Variants in SNX13 observed in about 807,000 individuals in gnomAD.
SNX13 encodes the protein sorting nexin 13, also known as sorting nexin-13.
Under a neutral mutation model 133.6 loss-of-function variants are expected in SNX13, and 45 were observed. The ratio of observed to expected loss-of-function variants is 0.34; its 90% CI spans 0.27 to 0.43. The LOEUF (loss-of-function observed/expected upper bound fraction) is 0.43, where lower values mean the gene tolerates loss of function less well. Ranked by LOEUF, SNX13 falls within the 20% of genes least tolerant of loss-of-function variation. The pLI is 1.00. For synonymous variants in SNX13, 414 were observed against 373.9 expected, an observed-to-expected ratio of 1.11 and a Z score of -1.24; for missense variants, 1,032 against 1,145.1, an observed-to-expected ratio of 0.90 and a Z score of 1.43.
chr7:17,921,393 T>C (rs1159518689), intron 1 of SNX13, among the ~76,000 whole-genome samples: 1 of 152,170 alleles, frequency 6.6e-6, no homozygotes, highest in Non-Finnish European at 1.5e-5. Context: ...TTCCCAGTGA[T>C]TCCATCCCTC....
chr7:17,807,280 G>A (rs570776534), intron 20 of SNX13, among the ~76,000 whole-genome samples: 267 of 152,012 alleles, frequency 1.8e-3, no homozygotes, highest in African/African-American at 6.0e-3. Context: ...GGGGAGGGGC[G>A]CCCAGCTAGG....
At chr7:17,913,578 C>T (rs1799225599) in intron 1 of SNX13, among the ~76,000 whole-genome samples, 1 of 152,054 alleles carries the variant, frequency 6.6e-6, no homozygotes, top group African/African-American at 2.4e-5. Flanking sequence ...TAAACAATAT[C>T]TGACAAAACC....
At position 17,935,491 on chromosome 7, in the gene SNX13, A is replaced by G. The variant is rs536738242; in HGVS notation, c.12+4793T>C. ...TTATTTTTTAAATAACTAAATTTCA[A>G]TTGTCTCACCATAGAAAATAATCAA... On this transcript the variant is annotated intron_variant, in intron 1 of 25. Transcript: ENST00000428135. Among the ~76,000 whole-genome samples, 10 of 152,334 alleles carry G rather than the reference A, an allele frequency of 6.6e-5. No homozygotes were observed. In the East Asian group the frequency reaches 1.9e-3, roughly 29 times the overall value.
intron 1 of SNX13, among the ~76,000 whole-genome samples, chr7:17,926,915 C>CA (rs1420890934): frequency 6.6e-6 from 1 of 151,744 alleles, no homozygotes; most frequent in African/African-American, 2.4e-5. Context: ...ACTACTACTC[C>CA]AAAGAAAAAC....
chr7:17,865,604 C>A (rs1473825814), intron 9 of SNX13, among the ~76,000 whole-genome samples: 2 of 152,100 alleles, frequency 1.3e-5, no homozygotes, highest in African/African-American at 4.8e-5. Context: ...ATACCAATAA[C>A]CTTTTTCACA....
rs897953547 is a variant in SNX13, at chr7:17,853,687, T to A, written c.838-2723A>T. Among the ~76,000 whole-genome samples, 9 of 152,200 alleles carry A rather than the reference T, an allele frequency of 5.9e-5. 1 individual carries two copies. The highest frequency in any genetic ancestry group is 1.3e-4 in the Non-Finnish European group (9 of 68,028). On this transcript the variant is annotated intron_variant, in intron 9 of 25. Coordinates refer to ENST00000428135, the MANE Select transcript of SNX13 (RefSeq NM_015132.5). The stretch of plus-strand genomic sequence containing the variant: ...GGCCAGGCACAGTGGCTCACGCCTG[T>A]AATCCCAACACTTTGGGAGGCTGAG...
chr7:17,872,992 A>C (rs1354131026), intron 8 of SNX13, among the ~76,000 whole-genome samples: 2 of 152,234 alleles, frequency 1.3e-5, no homozygotes, highest in Non-Finnish European at 1.5e-5. Context: ...ACATAATCTT[A>C]ACTGTACAGT....
chr7:17,857,335 T>C (rs1473047932), intron 9 of SNX13, among the ~76,000 whole-genome samples: 1 of 152,168 alleles, frequency 6.6e-6, no homozygotes, highest in African/African-American at 2.4e-5. Context: ...ATTGATTCTA[T>C]TCAATGTTTC....
intron 1 of SNX13, among the ~76,000 whole-genome samples, chr7:17,906,061 G>T (rs1779632544): frequency 6.6e-6 from 1 of 151,890 alleles, no homozygotes; most frequent in Non-Finnish European, 1.5e-5. Flanking sequence ...AGTTTGTGTG[G>T]GATAAATGCA....
At chr7:17,885,860 C>T (rs555708795) in intron 5 of SNX13, among the ~76,000 whole-genome samples, 1 of 152,228 alleles carries the variant, frequency 6.6e-6, no homozygotes, top group East Asian at 1.9e-4. Flanking sequence ...ACTATTTCCC[C>T]TTCTTTTAAA....
intron 19 of SNX13, among the ~76,000 whole-genome samples, chr7:17,815,646 A>G (rs1484389538): frequency 6.6e-6 from 1 of 152,148 alleles, no homozygotes; most frequent in East Asian, 1.9e-4. Context: ...AATCCAAACA[A>G]AAACATTCAA....
At chr7:17,935,490 A>C (rs1801912362) in intron 1 of SNX13, among the ~76,000 whole-genome samples, 1 of 152,194 alleles carries the variant, frequency 6.6e-6, no homozygotes, top group Non-Finnish European at 1.5e-5. Context: ...ACTAAATTTC[A>C]ATTGTCTCAC....
chr7:17,930,434 A>T (rs1309479884), intron 1 of SNX13, among the ~76,000 whole-genome samples: 1 of 152,212 alleles, frequency 6.6e-6, no homozygotes. Flanking sequence ...ATACATATAT[A>T]AAAAAGATGA....
chr7:17,832,512 G>C (rs1209400788), intron 15 of SNX13: 11 of 978,980 alleles, frequency 1.1e-5, no homozygotes, highest in Non-Finnish European at 1.3e-5. Flanking sequence ...TTCTAAAATA[G>C]ATAAAATTAG....
Position 17,816,272 on chromosome 7 carries a change from G to A in SNX13, c.1863C>T (p.Ser621=). Residue 621 remains serine, a synonymous_variant, in exon 19 of 26, where the codon AGC becomes AGT. Coordinates refer to ENST00000428135, the MANE Select transcript of SNX13 (RefSeq NM_015132.5). ...RITEQFESLS[S]ILKLPGKKTF... is the part of the protein sequence containing the mutation. Reference sequence around the variant, plus strand: ...TCTTTTTTCCAGGAAGTTTCAATATGCTTGAGAGACTTTCAAACTGTAAGA... The same window carrying A: ...TCTTTTTTCCAGGAAGTTTCAATATACTTGAGAGACTTTCAAACTGTAAGA... 1 of 1,541,500 alleles carries A rather than the reference G, an allele frequency of 6.5e-7. No individual in the cohort carries two copies. The highest frequency in any genetic ancestry group is 1.2e-5 in the South Asian group (1 of 82,956).
intron 20 of SNX13, among the ~76,000 whole-genome samples, chr7:17,805,254 T>TGCGCGCGCGCGC (rs56000068): frequency 0.013 from 1,695 of 132,420 alleles, 47 homozygotes; most frequent in Non-Finnish European, 0.018. Context: ...TGTGTGTGCG[T>TGCGCGCGCGCGC]GCGCGCGCGC....
chr7:17,876,717 T>C (rs1403777829), intron 5 of SNX13, among the ~76,000 whole-genome samples: 1 of 152,088 alleles, frequency 6.6e-6, no homozygotes, highest in Non-Finnish European at 1.5e-5. Context: ...AGTCACCTAG[T>C]ACTCTATCTC....
At position 17,813,162 on chromosome 7, in the gene SNX13, C is replaced by A. The variant is rs73079352; in HGVS notation, c.2064+1672G>T. Among the ~76,000 whole-genome samples, 75 of 151,998 alleles carry A rather than the reference C, an allele frequency of 4.9e-4. 1 individual carries two copies. The highest frequency in any genetic ancestry group is 4.1e-3 in the Admixed American group (62 of 15,264). On this transcript the variant is annotated intron_variant, in intron 20 of 25. Coordinates refer to ENST00000428135, the MANE Select transcript of SNX13 (RefSeq NM_015132.5). ...TGTTGTATAACTGTTGGGACATACA[C>A]GTGTGCTATTGTTGTTTGGTTAAAA...
intron 15 of SNX13, chr7:17,832,038 A>T: frequency 7.1e-6 from 7 of 983,794 alleles, no homozygotes; most frequent in Non-Finnish European, 8.4e-6. Flanking sequence ...ACAAAATATT[A>T]GAGAGCAATG....
Sources: gnomAD v4.1 joint callset for allele counts (sites outside exome capture counted in the v4.1 genomes callset) on GRCh38, gnomAD v4.1.1 for gene constraint, MANE v1.5 for transcripts, NCBI Gene and HGNC (gene_info 2026-07-23, HGNC 2026-07-21) for gene names.